LAMA1: variants seen among roughly 807,000 people sequenced by gnomAD.
The protein encoded by LAMA1 is laminin subunit alpha-1.
LAMA1 carries 219 observed loss-of-function variants against 348.7 expected under a neutral mutation model. That is an observed-to-expected ratio of 0.63 (90% CI 0.56 to 0.70). The LOEUF (loss-of-function observed/expected upper bound fraction) is 0.70, where lower values mean the gene tolerates loss of function less well. LAMA1 is among the 30% of genes least tolerant of loss of function. LAMA1 has a pLI of 0.00. For synonymous variants in LAMA1, 1,487 were observed against 1,491.0 expected, an observed-to-expected ratio of 1.00 and a Z score of 0.06; for missense variants, 3,744 against 3,888.0, an observed-to-expected ratio of 0.96 and a Z score of 0.99.
chr18:6,985,988 G>A, intron 37 of LAMA1, 149 bp downstream of exon 37: 1 of 814,930 alleles, frequency 1.2e-6, no homozygotes, highest in South Asian at 1.4e-5. Flanking sequence ...TCGATCTCTT[G>A]ACCTCATGAT....
chr18:7,036,073 C>T lies in LAMA1; in HGVS notation c.1753G>A (p.Gly585Arg), dbSNP rs552082654. The change falls in exon 13 of 63, where the codon GGA (glycine) becomes AGA (arginine). Residue 585 changes from glycine (G) to arginine (R), a missense_variant. By Grantham distance (125) the Gly-to-Arg change is moderately radical (BLOSUM62 -2). Around this residue, in one of 3 missense-constraint regions of LAMA1, gnomAD observed 1,529 missense variants for 1,689.4 expected, o/e 0.91. Coordinates refer to ENST00000389658, the MANE Select transcript of LAMA1 (RefSeq NM_005559.4). ...TAGGACACCGTGTATTTCAGGAATCCGCCAAACGCAGTCAGCTGAAATGTT... is the reference window on the plus strand; with the variant it reads ...TAGGACACCGTGTATTTCAGGAATCTGCCAAACGCAGTCAGCTGAAATGTT... ...YLGNKLTAFG[G>R]FLKYTVSYDI... 266 of 1,613,828 alleles carry T rather than the reference C, an allele frequency of 1.6e-4. 2 individuals carry two copies. Among genetic ancestry groups the T allele is most frequent in the South Asian group, 9.2e-4 (84 of 91,072 alleles).
In LAMA1 at chr18:6,995,449, A is replaced by T. The variant is rs1300148057; in HGVS notation, c.4807-3T>A. 1.3e-6 allele frequency: 2 copies of T among 1,504,610 alleles called. No homozygotes were observed. Among genetic ancestry groups the T allele is most frequent in the Admixed American group, 1.7e-5 (1 of 59,860 alleles). 93.2% of individuals were successfully genotyped at this position (1,504,610 alleles called of 1,614,324 possible). ...ATATTTTCTTTTAATAAAGATTCCT[A>T]GGAAGAATGGAGGAAACAAATTACA... On this transcript the variant is annotated splice_polypyrimidine_tract_variant and splice_region_variant and intron_variant, in intron 33 of 62. Coordinates refer to ENST00000389658, the MANE Select transcript of LAMA1 (RefSeq NM_005559.4).
chr18:6,977,475 A>G (rs2057687754), intron 44 of LAMA1, among the ~76,000 whole-genome samples: 1 of 152,248 alleles, frequency 6.6e-6, no homozygotes, highest in Admixed American at 6.5e-5. Flanking sequence ...AAATCTCCAT[A>G]AAGACATGGA....
rs368710666 is a variant in LAMA1 at position 7,083,299 on chromosome 18, C to T, written c.62-2842G>A. ...CTCCCGGGTTCAAGCGATTCTCCTG[C>T]CTCAGCCTCCTGAGTAGCTGGGATT... On this transcript the variant is annotated intron_variant, in intron 1 of 62. Coordinates refer to ENST00000389658, the MANE Select transcript of LAMA1 (RefSeq NM_005559.4). Among the ~76,000 whole-genome samples, 12 of 151,692 alleles carry T rather than the reference C, an allele frequency of 7.9e-5. No homozygotes were observed. In the South Asian group the frequency reaches 1.9e-3, roughly 24 times the overall value.
At position 6,966,106 on chromosome 18, in the gene LAMA1, T is replaced by G. The variant is rs2057631809; in HGVS notation, c.7050+41A>C. ...AAACAACCACATAGCAATCTAAATG[T>G]GTGTATACAGTAGGGCCTAGGGCCG... On this transcript the variant is annotated intron_variant, in intron 49 of 62. Transcript: ENST00000389658. The G allele has an allele frequency of 1.9e-6, 3 of 1,608,032 alleles. No homozygotes were observed. The South Asian group carries it at 3.3e-5, about 18-fold the overall frequency.
chr18:6,966,954 G>A (rs888621366), intron 48 of LAMA1, among the ~76,000 whole-genome samples: 1 of 152,120 alleles, frequency 6.6e-6, no homozygotes, highest in Non-Finnish European at 1.5e-5. Context: ...CAATCGCAAA[G>A]CCATTCATCT....
chr18:6,947,400 C>T (rs958347757), intron 60 of LAMA1, 104 bp from the exon 61 acceptor site: 11 of 1,388,696 alleles, frequency 7.9e-6, no homozygotes, highest in Non-Finnish European at 1.0e-5. Flanking sequence ...CTAGCTCCTC[C>T]TTTGGATCCA....
At chr18:7,002,420 T>C (rs755668378) in intron 29 of LAMA1, 35 bp from the exon 30 acceptor site, 2 of 1,569,290 alleles carry the variant, frequency 1.3e-6, no homozygotes, top group East Asian at 4.5e-5. Flanking sequence ...GGGGAAAAAA[T>C]GGGAAATTGT....
Position 7,050,775 on chromosome 18 carries a change from T to A in LAMA1, c.507A>T (p.Arg169=). 1 of 1,614,184 alleles carries A rather than the reference T, an allele frequency of 6.2e-7. No individual in the cohort carries two copies. The highest frequency in any genetic ancestry group is 8.5e-7 in the Non-Finnish European group (1 of 1,180,030). ...CLSRYNITPR[R]GPPTYRADDE... is the part of the protein sequence containing the mutation. ...CATCAGCCCTGTAGGTGGGTGGCCC[T>A]CGTCTTGGAGTTATATTGTAACGAG... is the stretch of plus-strand genomic sequence containing the variant. Residue 169 remains arginine (R), a synonymous_variant, in exon 4 of 63, where the codon CGA becomes CGT. Transcript: ENST00000389658.
rs138291906 is a variant in LAMA1, at chr18:6,977,731, G to C, written c.6341C>G (p.Ala2114Gly). The part of the protein sequence containing the change: ...LLISQARKQA[A>G]SIKVAVSADR... ...GCCACGGGGCCCCAAACTCACAGAA[G>C]CTGCTTGTTTGCGGGCCTGGCTGAT... The change falls in exon 44 of 63, where the codon GCT (alanine) becomes GGT (glycine). Residue 2114 changes from alanine (A) to glycine (G), a missense_variant. Around this residue, in one of 3 missense-constraint regions of LAMA1, gnomAD observed 1,983 missense variants for 1,934.3 expected, o/e 1.03. Coordinates refer to ENST00000389658, the MANE Select transcript of LAMA1 (RefSeq NM_005559.4). 2.0e-5 allele frequency: 33 copies of C among 1,613,970 alleles called. No individual in the cohort carries two copies. The African/African-American group carries it at 4.3e-4, about 21-fold the overall frequency.
intron 6 of LAMA1, among the ~76,000 whole-genome samples, chr18:7,045,521 T>C (rs903164271): frequency 1.3e-5 from 2 of 152,140 alleles, no homozygotes; most frequent in Admixed American, 1.3e-4. Context: ...TATTATTCAT[T>C]TAATGTAATG....
chr18:7,107,816 CGT>C (rs2058319208), intron 1 of LAMA1, among the ~76,000 whole-genome samples: 1 of 148,708 alleles, frequency 6.7e-6, no homozygotes, highest in African/African-American at 2.5e-5. Flanking sequence ...AGATTGAGAC[CGT>C]CCTGGCTACC....
intron 1 of LAMA1, among the ~76,000 whole-genome samples, chr18:7,089,729 C>A (rs1182351632): frequency 2.0e-5 from 3 of 152,176 alleles, no homozygotes; most frequent in Non-Finnish European, 2.9e-5. Flanking sequence ...GCACTTGATG[C>A]TCCAGCACGT....
intron 36 of LAMA1, 83 bp from the exon 37 acceptor site, chr18:6,986,430 C>T (rs567412109): frequency 1.2e-5 from 15 of 1,212,092 alleles, no homozygotes; most frequent in East Asian, 4.8e-5. Flanking sequence ...AAAATTTTTA[C>T]GTATTTATGC....
chr18:7,065,366 C>T (rs2058118829), intron 3 of LAMA1, among the ~76,000 whole-genome samples: 2 of 151,782 alleles, frequency 1.3e-5, no homozygotes, highest in South Asian at 2.1e-4. Context: ...AAAAAATAGT[C>T]TATTATTTTT....
intron 28 of LAMA1, among the ~76,000 whole-genome samples, chr18:7,007,964 T>C (rs2057840924): frequency 1.3e-5 from 2 of 150,206 alleles, no homozygotes; most frequent in African/African-American, 4.9e-5. Context: ...ACGGAGTATC[T>C]CTCTGTCACT....
At chr18:7,028,322 G>C (rs1359591842) in intron 16 of LAMA1, among the ~76,000 whole-genome samples, 1 of 152,076 alleles carries the variant, frequency 6.6e-6, no homozygotes, top group African/African-American at 2.4e-5. Flanking sequence ...CCAGCATAAA[G>C]AAATACACAC....
intron 3 of LAMA1, among the ~76,000 whole-genome samples, chr18:7,064,191 T>G (rs1006916648): frequency 6.6e-6 from 1 of 152,064 alleles, no homozygotes; most frequent in African/African-American, 2.4e-5. Flanking sequence ...AATTAAAGTA[T>G]GCAAAATAGA....
At chr18:7,033,165 C>T in intron 14 of LAMA1, 70 bp from the exon 15 acceptor site, 3 of 1,139,010 alleles carry the variant, frequency 2.6e-6, no homozygotes, top group East Asian at 2.5e-5. Context: ...TGAAGATGGG[C>T]TCCTAAAAGA....
Sources: gnomAD v4.1 joint callset for allele counts (sites outside exome capture counted in the v4.1 genomes callset) on GRCh38, gnomAD v4.1.1 for gene constraint, gnomAD v4.1.1 regional missense constraint, MANE v1.5 for transcripts, NCBI Gene and HGNC (gene_info 2026-07-23, HGNC 2026-07-21) for gene names.